FBXO31: variants seen among roughly 807,000 people sequenced by gnomAD.
FBXO31 encodes the protein F-box protein 31, also known as F-box only protein 31.
A neutral mutation model predicts 54.4 loss-of-function variants in FBXO31; 24 were observed. The ratio of observed to expected loss-of-function variants is 0.44; its 90% CI spans 0.32 to 0.62. The LOEUF (loss-of-function observed/expected upper bound fraction) is 0.62. FBXO31 is among the 20% of genes least tolerant of loss of function. FBXO31 has a pLI of 0.05. For missense variants in FBXO31, 665 were observed against 787.1 expected (o/e 0.84, Z 1.86); for synonymous variants, 388 against 335.6 (o/e 1.16, Z -1.71).
chr16:87,348,467 C>T (rs1403796700), intron 2 of FBXO31, among the ~76,000 whole-genome samples: 3 of 152,206 alleles, frequency 2.0e-5, no homozygotes, highest in East Asian at 1.9e-4. Context: ...TCCCTGAACA[C>T]GCCTGGGCCC....
At position 87,336,289 on chromosome 16, in the gene FBXO31, A is replaced by G; in HGVS notation, c.733-25T>C. Reference sequence around the variant, plus strand: ...CCTTCCAAAAGAACACAGGTCATGAATATCCATATGACAGGAGGCTGTGAA... The same window carrying G: ...CCTTCCAAAAGAACACAGGTCATGAGTATCCATATGACAGGAGGCTGTGAA... On this transcript the variant is annotated intron_variant, in intron 5 of 8. Transcript: ENST00000311635. This position sits in a 1 kb window ranked among gnomAD's most constrained non-coding sequence, Gnocchi z 6.5. The G allele has an allele frequency of 2.5e-6, 4 of 1,604,042 alleles. No homozygotes were observed. Among genetic ancestry groups the G allele is most frequent in the Non-Finnish European group, 3.4e-6 (4 of 1,171,640 alleles).
At chr16:87,361,486 C>T (rs1025422846) in intron 1 of FBXO31, among the ~76,000 whole-genome samples, 4 of 152,170 alleles carry the variant, frequency 2.6e-5, no homozygotes, top group African/African-American at 9.7e-5. Context: ...GAGAGCCTGA[C>T]AGTGACCTTG....
chr16:87,378,220 T>C (rs909884331), intron 1 of FBXO31, among the ~76,000 whole-genome samples: 1 of 146,584 alleles, frequency 6.8e-6, no homozygotes, highest in African/African-American at 2.5e-5. Context: ...AATCCACAAA[T>C]CAAAGAAAGG....
intron 1 of FBXO31, among the ~76,000 whole-genome samples, chr16:87,379,055 G>C (rs576069180): frequency 6.6e-6 from 1 of 152,110 alleles, no homozygotes; most frequent in East Asian, 1.9e-4. Context: ...ACTGCACCTA[G>C]TGAAAAAATA....
At chr16:87,375,046 C>T (rs1173723123) in intron 1 of FBXO31, among the ~76,000 whole-genome samples, 2 of 152,116 alleles carry the variant, frequency 1.3e-5, no homozygotes, top group Non-Finnish European at 2.9e-5. Context: ...AGGCCAGGTG[C>T]GGTGGCTCAC....
chr16:87,390,399 G>A (rs1347881896), upstream of FBXO31, among the ~76,000 whole-genome samples: 2 of 152,090 alleles, frequency 1.3e-5, no homozygotes, highest in East Asian at 3.8e-4. Flanking sequence ...GGCTTCTCTA[G>A]AAGAAATCCC....
chr16:87,352,778 AG>A (rs1404064993), intron 2 of FBXO31, among the ~76,000 whole-genome samples: 4 of 152,198 alleles, frequency 2.6e-5, no homozygotes, highest in African/African-American at 9.7e-5. Flanking sequence ...CTGCCCTGGG[AG>A]CCCCGGCATA....
chr16:87,340,004 C>T (rs994892463), intron 5 of FBXO31, among the ~76,000 whole-genome samples: 16 of 152,224 alleles, frequency 1.1e-4, no homozygotes, highest in East Asian at 1.9e-4. Context: ...AGAATTCGGC[C>T]GGGCGCGGTG....
At chr16:87,362,477 CATTT>C (rs1906179128) in intron 1 of FBXO31, 1 of 151,688 alleles carries the variant, frequency 6.6e-6, no homozygotes, top group Admixed American at 6.6e-5. Flanking sequence ...ACCATTCATT[CATTT>C]ATTTAGAGAT....
chr16:87,344,263 C>T (rs1042074021), intron 3 of FBXO31, among the ~76,000 whole-genome samples: 8 of 152,224 alleles, frequency 5.3e-5, no homozygotes, highest in Non-Finnish European at 1.2e-4. Flanking sequence ...TGAAATGCCA[C>T]GGGCCTGGGA....
In FBXO31 at chr16:87,389,012, T is replaced by C. The variant is rs558364611; in HGVS notation, c.-177+725A>G. On this transcript the variant is annotated intron_variant, in intron 1 of 8. Coordinates refer to the FBXO31 transcript ENST00000618298. ...TACCACTCTGAATATTGTTCACTACTATATTAAATTTCTACTAAACTGCAG... is the reference window on the plus strand; with the variant it reads ...TACCACTCTGAATATTGTTCACTACCATATTAAATTTCTACTAAACTGCAG... Among the ~76,000 whole-genome samples the C allele has an allele frequency of 2.6e-5, 4 of 152,336 alleles. No individual in the cohort carries two copies. In the East Asian group the frequency reaches 7.7e-4, roughly 29 times the overall value.
intron 1 of FBXO31, among the ~76,000 whole-genome samples, chr16:87,363,703 G>A (rs183239657): frequency 6.6e-6 from 1 of 152,306 alleles, no homozygotes; most frequent in Admixed American, 6.5e-5. Context: ...AGAATCATGA[G>A]AGAACTGGAC....
chr16:87,384,015 G>A (rs2318450), upstream of FBXO31: 56,424 of 205,078 alleles, frequency 0.28, 9,825 homozygotes, highest in South Asian at 0.71. Context: ...AGTGCAAAAC[G>A]TTAGACTGCC....
At chr16:87,355,405 C>A (rs1336455424) in intron 2 of FBXO31, among the ~76,000 whole-genome samples, 3 of 152,168 alleles carry the variant, frequency 2.0e-5, no homozygotes, top group Non-Finnish European at 4.4e-5. Context: ...CTAAGAGCAG[C>A]TGAATACTGA....
In FBXO31 at chr16:87,338,649, G is replaced by C. The variant is rs1277330737; in HGVS notation, c.733-2385C>G. ...TCAGATCATGCCAGTGACGCAGCCT[G>C]GGTACAAGGAATGGCCTCCCGGGGT... On this transcript the variant is annotated intron_variant, in intron 5 of 8. Transcript: ENST00000311635. The surrounding 1 kb of genome is among the most constrained non-coding windows in gnomAD (Gnocchi z 4.3). 6.6e-6 allele frequency among the ~76,000 whole-genome samples: 1 copy of C among 152,170 alleles called. No homozygotes were observed. The highest frequency in any genetic ancestry group is 1.9e-4 in the East Asian group (1 of 5,194).
chr16:87,381,483 C>G (rs1372660443), intron 1 of FBXO31, among the ~76,000 whole-genome samples: 1 of 152,200 alleles, frequency 6.6e-6, no homozygotes, highest in Non-Finnish European at 1.5e-5. Context: ...GAAGGTGAAG[C>G]AGCTTGTCCA....
At chr16:87,382,344 G>T (rs1907114194) in intron 1 of FBXO31, among the ~76,000 whole-genome samples, 1 of 152,234 alleles carries the variant, frequency 6.6e-6, no homozygotes, top group South Asian at 2.1e-4. Flanking sequence ...TGACTGCTGG[G>T]GTCTCTGATG....
At chr16:87,375,920 G>A (rs1436921959) in intron 1 of FBXO31, among the ~76,000 whole-genome samples, 1 of 152,146 alleles carries the variant, frequency 6.6e-6, no homozygotes, top group African/African-American at 2.4e-5. Context: ...GCCACCCTCA[G>A]CCTGAGTCAC....
chr16:87,387,731 C>T (rs1907373235), upstream of FBXO31, among the ~76,000 whole-genome samples: 2 of 152,146 alleles, frequency 1.3e-5, no homozygotes, highest in East Asian at 1.9e-4. Flanking sequence ...GGTGTGAACC[C>T]GGGAGGCGGA....
Sources: gnomAD v4.1 joint callset for allele counts (sites outside exome capture counted in the v4.1 genomes callset) on GRCh38, gnomAD v4.1.1 for gene constraint, Gnocchi (gnomAD v3.1) non-coding constraint, MANE v1.5 for transcripts, NCBI Gene and HGNC (gene_info 2026-07-23, HGNC 2026-07-21) for gene names.